Variants in ERGIC1 observed in about 807,000 individuals in gnomAD.
The protein encoded by ERGIC1 is endoplasmic reticulum-Golgi intermediate compartment protein 1.
Under a neutral mutation model 38.3 loss-of-function variants are expected in ERGIC1, and 19 were observed. That is an observed-to-expected ratio of 0.50 (90% CI 0.35 to 0.73). The LOEUF is 0.73. Ranked by LOEUF, ERGIC1 falls within the 30% of genes least tolerant of loss-of-function variation. The probability of loss-of-function intolerance (pLI) is 0.01; values close to 1 mark genes in which losing one functional copy is unlikely to be tolerated. For synonymous variants in ERGIC1, 124 were observed against 157.6 expected (o/e 0.79, Z 1.60); for missense variants, 294 against 389.2 (o/e 0.76, Z 2.06).
chr5:172,892,444 A>G (rs2113283403), intron 2 of ERGIC1, among the ~76,000 whole-genome samples: 1 of 152,296 alleles, frequency 6.6e-6, no homozygotes, highest in African/African-American at 2.4e-5. Flanking sequence ...CAGGGTTTAA[A>G]TGTTGCCTCC....
chr5:172,847,696 G>C (rs1335313805), intron 1 of ERGIC1, among the ~76,000 whole-genome samples: 4 of 152,124 alleles, frequency 2.6e-5, no homozygotes, highest in Non-Finnish European at 4.4e-5. Context: ...TGTATTTTTA[G>C]TAGAGACGGG....
In ERGIC1 at chr5:172,834,296, G is replaced by C; in HGVS notation, c.-118G>C. Reference sequence around the variant, plus strand: ...GAGTGGCGAGTGGCGAGTGGCGAGTGTCAGGGGGGCGGCCGGCGGGGGCGG... The same window carrying C: ...GAGTGGCGAGTGGCGAGTGGCGAGTCTCAGGGGGGCGGCCGGCGGGGGCGG... On this transcript the variant is annotated 5_prime_UTR_variant, in exon 1 of 10. Transcript: ENST00000393784. This position sits in a 1 kb window ranked among gnomAD's most constrained non-coding sequence, Gnocchi z 4.1. The C allele has an allele frequency of 9.9e-7, 1 of 1,011,468 alleles. No homozygotes were observed. The highest frequency in any genetic ancestry group is 1.2e-6 in the Non-Finnish European group (1 of 815,192). 62.7% of individuals were successfully genotyped at this position (1,011,468 alleles called of 1,614,324 possible). A position where few individuals can be genotyped will look rare whatever the true frequency, so the allele number is the denominator to read the frequency against.
intron 9 of ERGIC1, among the ~76,000 whole-genome samples, chr5:172,941,087 T>A (rs1408490744): frequency 6.6e-6 from 1 of 152,186 alleles, no homozygotes; most frequent in Admixed American, 6.5e-5. Flanking sequence ...AAGACCAGCC[T>A]GGCCAACATG....
rs116083532 is a variant in ERGIC1 at position 172,913,969 on chromosome 5, C to G, written c.251-745C>G. On this transcript the variant is annotated intron_variant, in intron 4 of 9. Transcript: ENST00000393784. Reference sequence around the variant, plus strand: ...CTCTCTGAAGGCCAGGAACGGTGGCCTACACTTGTAATCCCAGCACTTTGG... The same window carrying G: ...CTCTCTGAAGGCCAGGAACGGTGGCGTACACTTGTAATCCCAGCACTTTGG... 4.0e-3 allele frequency among the ~76,000 whole-genome samples: 607 copies of G among 152,156 alleles called. 3 individuals carry two copies. Among genetic ancestry groups the G allele is most frequent in the African/African-American group, 0.014 (590 of 41,514 alleles).
At chr5:172,862,077 C>T (rs531371293) in intron 1 of ERGIC1, among the ~76,000 whole-genome samples, 3 of 151,468 alleles carry the variant, frequency 2.0e-5, no homozygotes, top group East Asian at 3.9e-4. Flanking sequence ...CTGCAACCTC[C>T]GCCTCCCGGG....
intron 3 of ERGIC1, among the ~76,000 whole-genome samples, chr5:172,901,250 AG>A (rs1581556764): frequency 6.6e-6 from 1 of 152,046 alleles, no homozygotes. Flanking sequence ...GTGGGGGGTG[AG>A]GGGGAGGCAC....
At chr5:172,900,720 AAC>A (rs1180500805) in intron 3 of ERGIC1, among the ~76,000 whole-genome samples, 3 of 146,318 alleles carry the variant, frequency 2.1e-5, no homozygotes, top group African/African-American at 7.4e-5. Context: ...AAAAAAAAAA[AAC>A]AAAAAAAAAC....
intron 1 of ERGIC1, among the ~76,000 whole-genome samples, chr5:172,835,130 G>A (rs985079807): frequency 2.0e-5 from 3 of 152,212 alleles, no homozygotes; most frequent in Non-Finnish European, 2.9e-5. Flanking sequence ...TAGGTTGCAT[G>A]GGGCATTCTG....
rs1013425815 is a variant in ERGIC1, at chr5:172,897,201, G to A, written c.155+127G>A. 3 of 804,374 alleles carry A rather than the reference G, an allele frequency of 3.7e-6. No individual in the cohort carries two copies. The African/African-American group carries it at 5.2e-5, about 14-fold the overall frequency. 49.8% of individuals were successfully genotyped at this position (804,374 alleles called of 1,614,324 possible). ...CCCAACACTTTGGGAGGCCGAGGCG[G>A]GCGGATCACCTGAGGTCAGGAGTTG... On this transcript the variant is annotated intron_variant, in intron 3 of 9. Coordinates refer to ENST00000393784, the MANE Select transcript of ERGIC1 (RefSeq NM_001031711.3).
At chr5:172,941,851 A>AACATTTG (rs1764017697) in intron 9 of ERGIC1, among the ~76,000 whole-genome samples, 2 of 152,226 alleles carry the variant, frequency 1.3e-5, no homozygotes, top group South Asian at 4.1e-4. Context: ...GGCTTCTGCA[A>AACATTTG]ACATTTGCCA....
chr5:172,923,606 G>T (rs999065667), intron 5 of ERGIC1, among the ~76,000 whole-genome samples: 1 of 152,164 alleles, frequency 6.6e-6, no homozygotes, highest in African/African-American at 2.4e-5. Context: ...ATAGGGGTTT[G>T]GAGTCTGAGG....
intron 1 of ERGIC1, among the ~76,000 whole-genome samples, chr5:172,847,065 G>T (rs1251088541): frequency 6.6e-6 from 1 of 152,164 alleles, no homozygotes; most frequent in Admixed American, 6.5e-5. Flanking sequence ...TGTAACTTAT[G>T]CTGGGACTTG....
intron 4 of ERGIC1, 141 bp from the exon 5 acceptor site, chr5:172,914,572 AC>A: frequency 7.3e-7 from 1 of 1,367,984 alleles, no homozygotes; most frequent in Admixed American, 1.9e-5. Flanking sequence ...TAGTCTTTGG[AC>A]CCCAGACCAT....
chr5:172,895,388 AG>A (rs1160186505), intron 2 of ERGIC1, among the ~76,000 whole-genome samples: 1 of 152,164 alleles, frequency 6.6e-6, no homozygotes, highest in African/African-American at 2.4e-5. Flanking sequence ...GCAGGTGAGC[AG>A]TGGGGCCCCA....
At chr5:172,843,664 G>T (rs376270170) in intron 1 of ERGIC1, among the ~76,000 whole-genome samples, 5 of 152,210 alleles carry the variant, frequency 3.3e-5, no homozygotes, top group African/African-American at 1.2e-4. Context: ...TTTCTGAATG[G>T]TCTTCGCCCT....
At chr5:172,893,708 C>A (rs1762625474) in intron 2 of ERGIC1, among the ~76,000 whole-genome samples, 1 of 151,066 alleles carries the variant, frequency 6.6e-6, no homozygotes, top group African/African-American at 2.4e-5. Context: ...TGTTCAGCAG[C>A]TGGAGAAAAC....
chr5:172,838,522 G>T, intron 1 of ERGIC1, among the ~76,000 whole-genome samples: 1 of 152,100 alleles, frequency 6.6e-6, no homozygotes, highest in East Asian at 1.9e-4. Context: ...TTCCAAAGTT[G>T]ATCTGATATT....
At chr5:172,947,942 G>A (rs116318792) in intron 9 of ERGIC1, among the ~76,000 whole-genome samples, 15 of 151,394 alleles carry the variant, frequency 9.9e-5, no homozygotes, top group African/African-American at 3.2e-4. Flanking sequence ...TTCATTGCAC[G>A]TAAGTCACAT....
intron 9 of ERGIC1, among the ~76,000 whole-genome samples, chr5:172,950,051 A>C (rs939706086): frequency 1.3e-5 from 2 of 152,268 alleles, no homozygotes; most frequent in Middle Eastern, 3.4e-3. Flanking sequence ...CCAGCCTGGA[A>C]GACAGAAAAA....
Sources: allele counts gnomAD v4.1 joint callset (sites outside exome capture counted in the v4.1 genomes callset), GRCh38; gene constraint gnomAD v4.1.1; non-coding constraint Gnocchi (gnomAD v3.1); transcripts MANE v1.5; gene names NCBI Gene and HGNC (gene_info 2026-07-23, HGNC 2026-07-21).